The following AGAP1 variants were observed in gnomAD, a reference collection of about 807,000 sequenced individuals.
The protein encoded by AGAP1 is arf-GAP with GTPase, ANK repeat and PH domain-containing protein 1.
A neutral mutation model predicts 105.3 loss-of-function variants in AGAP1; 29 were observed. The observed-to-expected ratio is 0.28, with a 90% confidence interval of 0.21 to 0.38. The LOEUF (loss-of-function observed/expected upper bound fraction) is 0.38, where lower values mean the gene tolerates loss of function less well. AGAP1 is among the 10% of genes least tolerant of loss of function. AGAP1 has a pLI of 1.00. For synonymous variants in AGAP1, 509 were observed against 485.9 expected, an observed-to-expected ratio of 1.05 and a Z score of -0.63; for missense variants, 998 against 1,165.1, an observed-to-expected ratio of 0.86 and a Z score of 2.09.
At chr2:235,780,682 T>A (rs1410833951) in intron 6 of AGAP1, among the ~76,000 whole-genome samples, 2 of 152,206 alleles carry the variant, frequency 1.3e-5, no homozygotes, top group African/African-American at 4.8e-5. Flanking sequence ...TTAATTGAAA[T>A]CTGAGGGATC....
chr2:235,930,291 G>A lies in AGAP1; in HGVS notation c.1325-474G>A, dbSNP rs1238735440. On this transcript the variant is annotated intron_variant, in intron 11 of 17. Coordinates refer to ENST00000304032, the MANE Select transcript of AGAP1 (RefSeq NM_001037131.3). The surrounding 1 kb of genome is among the most constrained non-coding windows in gnomAD (Gnocchi z 7.9). Reference sequence around the variant, plus strand: ...GACTTTGATTTGTGTTGATCATAAAGTATGGCTTCCCCATGAAAATAATCC... The same window carrying A: ...GACTTTGATTTGTGTTGATCATAAAATATGGCTTCCCCATGAAAATAATCC... Among the ~76,000 whole-genome samples the A allele has an allele frequency of 3.3e-5, 5 of 152,172 alleles. No individual in the cohort carries two copies. The highest frequency in any genetic ancestry group is 9.7e-5 in the African/African-American group (4 of 41,444).
chr2:236,073,973 GC>G lies in AGAP1; in HGVS notation c.2114+24693del, dbSNP rs2058572145. On this transcript the variant is annotated intron_variant, in intron 16 of 17. Coordinates refer to ENST00000304032, the MANE Select transcript of AGAP1 (RefSeq NM_001037131.3). The surrounding 1 kb of genome is among the most constrained non-coding windows in gnomAD (Gnocchi z 5.4). Reference sequence around the variant, plus strand: ...CTGGGTGCCAAGGTCTCCTCCAGGAGCACAGGTTCTCACCTGGGGCTGATCT... The same window carrying G: ...CTGGGTGCCAAGGTCTCCTCCAGGAGACAGGTTCTCACCTGGGGCTGATCT... Among the ~76,000 whole-genome samples, 1 of 152,172 alleles carries G rather than the reference GC, an allele frequency of 6.6e-6. No homozygotes were observed. The highest frequency in any genetic ancestry group is 1.5e-5 in the Non-Finnish European group (1 of 68,036).
rs764310353 is a variant in AGAP1 at position 235,574,453 on chromosome 2, G to C, written c.163+79604G>C. 6.6e-6 allele frequency among the ~76,000 whole-genome samples: 1 copy of C among 152,190 alleles called. No homozygotes were observed. Among genetic ancestry groups the C allele is most frequent in the Non-Finnish European group, 1.5e-5 (1 of 68,034 alleles). On this transcript the variant is annotated intron_variant, in intron 1 of 17. Transcript: ENST00000304032. The surrounding 1 kb of genome is among the most constrained non-coding windows in gnomAD (Gnocchi z 5.0). Reference sequence around the variant, plus strand: ...GCATTATCTGATAAAGTAAATCTCAGCCACTGGGAAGAGCCCTTTTTGGCA... The same window carrying C: ...GCATTATCTGATAAAGTAAATCTCACCCACTGGGAAGAGCCCTTTTTGGCA...
rs1003008231 is a variant in AGAP1, at chr2:236,055,594, C to T, written c.2114+6313C>T. ...CCTGGCCCCAGCCGCAGAGCGGGTC[C>T]ACCCTCCCAGTTTCCCCGTCCAGGC... On this transcript the variant is annotated intron_variant, in intron 16 of 17. Transcript: ENST00000304032. This position sits in a 1 kb window ranked among gnomAD's most constrained non-coding sequence, Gnocchi z 6.2. Among the ~76,000 whole-genome samples, 1 of 152,266 alleles carries T rather than the reference C, an allele frequency of 6.6e-6. No homozygotes were observed. Among genetic ancestry groups the T allele is most frequent in the South Asian group, 2.1e-4 (1 of 4,832 alleles).
intron 1 of AGAP1, among the ~76,000 whole-genome samples, chr2:235,548,830 G>T (rs1481855048): frequency 6.6e-6 from 1 of 152,192 alleles, no homozygotes; most frequent in Non-Finnish European, 1.5e-5. Flanking sequence ...GACTAGGGGT[G>T]CTCTGGGACG....
intron 9 of AGAP1, among the ~76,000 whole-genome samples, chr2:235,844,290 G>T (rs751019556): frequency 5.3e-5 from 8 of 152,158 alleles, no homozygotes; most frequent in Non-Finnish European, 8.8e-5. Flanking sequence ...TCATGAGTGG[G>T]TTTGGAGGGG....
In AGAP1 at chr2:236,114,452, T is replaced by C. The variant is rs1242527025; in HGVS notation, c.2115-5740T>C. On this transcript the variant is annotated intron_variant, in intron 16 of 17. Transcript: ENST00000304032. The surrounding 1 kb of genome is among the most constrained non-coding windows in gnomAD (Gnocchi z 5.0). ...AAGATGAAGGATGCTATCCAGAGTA[T>C]GTGTCAGCTCAGGCTGCCAAAATAA... is the stretch of plus-strand genomic sequence containing the variant. Among the ~76,000 whole-genome samples the C allele has an allele frequency of 2.0e-5, 3 of 152,230 alleles. No homozygotes were observed. Among genetic ancestry groups the C allele is most frequent in the Non-Finnish European group, 2.9e-5 (2 of 68,034 alleles).
intron 11 of AGAP1, among the ~76,000 whole-genome samples, chr2:235,921,587 C>G (rs932040114): frequency 6.6e-6 from 1 of 152,098 alleles, no homozygotes; most frequent in Admixed American, 6.6e-5. Context: ...ATGTGGAATC[C>G]TAAGCCTGGC....
rs557852131 is a variant in AGAP1 at position 235,891,905 on chromosome 2, G to A, written c.1155+8456G>A. 6.1e-4 allele frequency among the ~76,000 whole-genome samples: 93 copies of A among 152,172 alleles called. No homozygotes were observed. Among genetic ancestry groups the A allele is most frequent in the Non-Finnish European group, 1.3e-3 (88 of 68,040 alleles). ...GTGGTGGCTCACACCTGTAATCCCA[G>A]CACTTTGGGAGGCTGAGGTGGATGG... On this transcript the variant is annotated intron_variant, in intron 10 of 17. Coordinates refer to ENST00000304032, the MANE Select transcript of AGAP1 (RefSeq NM_001037131.3). The surrounding 1 kb of genome is among the most constrained non-coding windows in gnomAD (Gnocchi z 4.2).
At chr2:235,796,561 A>AT (rs1957253454) in intron 6 of AGAP1, among the ~76,000 whole-genome samples, 1 of 152,194 alleles carries the variant, frequency 6.6e-6, no homozygotes, top group Non-Finnish European at 1.5e-5. Context: ...TCTGTGAGCC[A>AT]TTTTTTATAT....
intron 10 of AGAP1, among the ~76,000 whole-genome samples, chr2:235,902,917 G>A (rs1203414196): frequency 6.6e-6 from 1 of 152,204 alleles, no homozygotes; most frequent in Non-Finnish European, 1.5e-5. Flanking sequence ...CAGAGCATCT[G>A]TGAGACTTTT....
intron 1 of AGAP1, among the ~76,000 whole-genome samples, chr2:235,592,548 C>A (rs965668942): frequency 6.6e-6 from 1 of 152,218 alleles, no homozygotes; most frequent in Middle Eastern, 3.4e-3. Context: ...CTTGGAGGTT[C>A]TCCCTAAGGA....
chr2:236,098,747 C>T (rs190579901), intron 16 of AGAP1, among the ~76,000 whole-genome samples: 2 of 151,550 alleles, frequency 1.3e-5, no homozygotes, highest in African/African-American at 4.8e-5. Context: ...GCGTCAGCCT[C>T]CCCAGTAGCT....
chr2:236,047,351 G>T (rs182230635), intron 15 of AGAP1, among the ~76,000 whole-genome samples: 5 of 152,140 alleles, frequency 3.3e-5, no homozygotes, highest in African/African-American at 4.8e-5. Context: ...AGGCACAGGC[G>T]AGGAGGGGTC....
chr2:235,932,845 CTCTT>C (rs1182926789), intron 12 of AGAP1, among the ~76,000 whole-genome samples: 12 of 152,356 alleles, frequency 7.9e-5, no homozygotes, highest in African/African-American at 2.6e-4. Context: ...GGTTGGAAGT[CTCTT>C]TCCATGGAAG....
rs10193450 is a variant in AGAP1, at chr2:235,710,606, G to A, written c.222+1369G>A. Among the ~76,000 whole-genome samples the A allele has an allele frequency of 2.4e-3, 370 of 152,320 alleles. 2 individuals carry two copies. Among genetic ancestry groups the A allele is most frequent in the African/African-American group, 8.4e-3 (351 of 41,570 alleles). ...TGCTGTCTCAGAAGCCTGGGGTTCCGCAAGACTGGCCTGGAAAGAGCCGCC... is the reference window on the plus strand; with the variant it reads ...TGCTGTCTCAGAAGCCTGGGGTTCCACAAGACTGGCCTGGAAAGAGCCGCC... On this transcript the variant is annotated intron_variant, in intron 2 of 17. Transcript: ENST00000304032.
rs1559705215 is a variant in AGAP1, at chr2:235,967,433, G to GA, written c.1484-1029_1484-1028insA. Among the ~76,000 whole-genome samples the GA allele has an allele frequency of 2.0e-5, 3 of 152,048 alleles. No individual in the cohort carries two copies. The highest frequency in any genetic ancestry group is 6.6e-5 in the Admixed American group (1 of 15,266). On this transcript the variant is annotated intron_variant, in intron 12 of 17. Coordinates refer to ENST00000304032, the MANE Select transcript of AGAP1 (RefSeq NM_001037131.3). The surrounding 1 kb of genome is among the most constrained non-coding windows in gnomAD (Gnocchi z 4.7). Reference sequence around the variant, plus strand: ...TCTGATGGACTCCAGGTTCTGGCCCGGCTGCCATGTCACTGCCACTCCACT... The same window carrying GA: ...TCTGATGGACTCCAGGTTCTGGCCCGAGCTGCCATGTCACTGCCACTCCACT...
chr2:235,749,614 C>G (rs999271582), intron 5 of AGAP1, among the ~76,000 whole-genome samples: 1 of 152,050 alleles, frequency 6.6e-6, no homozygotes, highest in African/African-American at 2.4e-5. Context: ...AGCTGTCCTG[C>G]TGCCCTCTGC....
At chr2:235,654,678 T>C (rs1947717074) in intron 1 of AGAP1, among the ~76,000 whole-genome samples, 1 of 152,188 alleles carries the variant, frequency 6.6e-6, no homozygotes, top group Non-Finnish European at 1.5e-5. Flanking sequence ...CCCCGGCCAC[T>C]TCTAAAGATG....
Sources: gnomAD v4.1 joint callset for allele counts (sites outside exome capture counted in the v4.1 genomes callset) on GRCh38, gnomAD v4.1.1 for gene constraint, Gnocchi (gnomAD v3.1) non-coding constraint, MANE v1.5 for transcripts, NCBI Gene and HGNC (gene_info 2026-07-23, HGNC 2026-07-21) for gene names.